GIPC2: variants seen among roughly 807,000 people sequenced by gnomAD.
The protein encoded by GIPC2 is GIPC PDZ domain containing family member 2.
In GIPC2, 30 loss-of-function variants were observed where a neutral mutation model predicts 30.6. The observed-to-expected ratio is 0.98, with a 90% CI of 0.73 to 1.33. The LOEUF (loss-of-function observed/expected upper bound fraction) is 1.33, where lower values mean the gene tolerates loss of function less well. GIPC2 is among the 40% of genes most tolerant of loss of function. GIPC2 has a pLI of 0.00. For synonymous variants in GIPC2, 167 were observed against 150.0 expected (o/e 1.11, Z -0.83); for missense variants, 414 against 390.3 (o/e 1.06, Z -0.51).
At chr1:78,056,293 T>C (rs1002740052) in intron 1 of GIPC2, among the ~76,000 whole-genome samples, 1 of 152,054 alleles carries the variant, frequency 6.6e-6, no homozygotes, top group African/African-American at 2.4e-5. Context: ...CTGGGCAACA[T>C]GGTGAAACCC....
At chr1:78,107,208 G>A (rs961018593) in intron 3 of GIPC2, among the ~76,000 whole-genome samples, 1 of 151,420 alleles carries the variant, frequency 6.6e-6, no homozygotes, top group Non-Finnish European at 1.5e-5. Context: ...TCTGAGGGTG[G>A]AGTGCAGTAG....
At chr1:78,079,835 T>C (rs1467326641) in intron 1 of GIPC2, among the ~76,000 whole-genome samples, 3 of 152,184 alleles carry the variant, frequency 2.0e-5, no homozygotes, top group African/African-American at 7.2e-5. Context: ...AGTCATATTT[T>C]TGAAGGAAAA....
intron 5 of GIPC2, among the ~76,000 whole-genome samples, chr1:78,126,456 G>A (rs1662784329): frequency 1.3e-5 from 2 of 152,054 alleles, no homozygotes; most frequent in Admixed American, 1.3e-4. Flanking sequence ...TCATCATTAG[G>A]CTGTCAGGGT....
intron 1 of GIPC2, among the ~76,000 whole-genome samples, chr1:78,074,287 A>G (rs1197911107): frequency 6.6e-6 from 1 of 152,196 alleles, no homozygotes; most frequent in Non-Finnish European, 1.5e-5. Context: ...GTGTAGTAGC[A>G]CATAGCACAT....
At chr1:78,045,856 G>T (rs1402690040), upstream of GIPC2, 2 of 1,310,798 alleles carry the variant, frequency 1.5e-6, no homozygotes, top group African/African-American at 3.1e-5. Flanking sequence ...GTGATAGGAT[G>T]AGGGACTACG....
chr1:78,064,847 G>A (rs184018073), intron 1 of GIPC2, among the ~76,000 whole-genome samples: 111 of 150,534 alleles, frequency 7.4e-4, no homozygotes, highest in Non-Finnish European at 9.7e-4. Context: ...TGGTTAAAGC[G>A]ATTCTCTTGC....
chr1:78,060,520 C>T (rs1391288438), intron 1 of GIPC2, among the ~76,000 whole-genome samples: 1 of 152,150 alleles, frequency 6.6e-6, no homozygotes, highest in African/African-American at 2.4e-5. Flanking sequence ...TCCCATTAAC[C>T]TGTTGGCTCT....
intron 1 of GIPC2, among the ~76,000 whole-genome samples, chr1:78,053,775 A>T: frequency 6.6e-6 from 1 of 151,254 alleles, no homozygotes. Context: ...AGCCAAAAAA[A>T]AAAAAATTAG....
chr1:78,074,194 AT>A (rs1274574493), intron 1 of GIPC2, among the ~76,000 whole-genome samples: 1 of 152,186 alleles, frequency 6.6e-6, no homozygotes, highest in Admixed American at 6.5e-5. Context: ...TCCAGTAATA[AT>A]AATAAAAACC....
intron 2 of GIPC2, among the ~76,000 whole-genome samples, chr1:78,081,551 G>T (rs1481451613): frequency 2.0e-5 from 3 of 152,162 alleles, no homozygotes. Context: ...TGGAATTTTA[G>T]TATTGATGGT....
At chr1:78,102,579 G>A (rs1034822715) in intron 3 of GIPC2, among the ~76,000 whole-genome samples, 1 of 152,210 alleles carries the variant, frequency 6.6e-6, no homozygotes, top group Non-Finnish European at 1.5e-5. Context: ...CAGTAGTTAA[G>A]TGTGTAGTCT....
chr1:78,125,801 A>C, intron 4 of GIPC2, 80 bp from the exon 5 acceptor site: 1 of 754,660 alleles, frequency 1.3e-6, no homozygotes, highest in Non-Finnish European at 2.4e-6. Context: ...CCGGCTCCAC[A>C]TCAGGCTTTC....
chr1:78,069,143 A>G, intron 1 of GIPC2: 1 of 948,980 alleles, frequency 1.1e-6, no homozygotes, highest in Non-Finnish European at 1.3e-6. Context: ...CAGCCAGGGC[A>G]GTGCCTGGGT....
At chr1:78,111,526 CT>C (rs1390527046) in intron 3 of GIPC2, among the ~76,000 whole-genome samples, 2 of 152,324 alleles carry the variant, frequency 1.3e-5, no homozygotes, top group South Asian at 2.1e-4. Context: ...ACCTTTGCCC[CT>C]GGCCTTTCAA....
intron 2 of GIPC2, among the ~76,000 whole-genome samples, chr1:78,083,569 G>A (rs1661871454): frequency 6.6e-6 from 1 of 152,098 alleles, no homozygotes; most frequent in African/African-American, 2.4e-5. Context: ...ATCTGTTGAT[G>A]AGTCTTACCT....
intron 3 of GIPC2, among the ~76,000 whole-genome samples, chr1:78,111,745 C>A (rs749442850): frequency 3.9e-5 from 6 of 152,214 alleles, no homozygotes; most frequent in Non-Finnish European, 7.3e-5. Context: ...ATCTTTCATA[C>A]AGTGGTCATT....
chr1:78,065,829 A>T (rs917413196), intron 1 of GIPC2, among the ~76,000 whole-genome samples: 4 of 152,188 alleles, frequency 2.6e-5, no homozygotes, highest in African/African-American at 9.7e-5. Context: ...TGCTGGGATG[A>T]CTGGCTAGCC....
At chr1:78,045,866 G>A, upstream of GIPC2, 4 of 1,317,826 alleles carry the variant, frequency 3.0e-6, no homozygotes, top group Non-Finnish European at 3.8e-6. Flanking sequence ...GAGGGACTAC[G>A]TAACTTTCTT....
upstream of GIPC2, chr1:78,045,833 A>G: frequency 1.6e-6 from 2 of 1,258,322 alleles, no homozygotes; most frequent in Non-Finnish European, 2.0e-6. Context: ...TACAAGGAGT[A>G]GGGATAAACC....
Sources: gnomAD v4.1 joint callset for allele counts (sites outside exome capture counted in the v4.1 genomes callset) on GRCh38, gnomAD v4.1.1 for gene constraint, MANE v1.5 for transcripts, NCBI Gene and HGNC (gene_info 2026-07-23, HGNC 2026-07-21) for gene names.